BRD10: variants seen among roughly 807,000 people sequenced by gnomAD.
BRD10 encodes uncharacterized bromodomain-containing protein 10.
the BRD10 span, chr9:5,921,871 G>A: frequency 4.3e-6 from 7 of 1,613,982 alleles, no homozygotes; most frequent in Non-Finnish European, 4.2e-6. Flanking sequence ...TGCCAGTGGT[G>A]TGGCCTAATG....
the BRD10 span, among the ~76,000 whole-genome samples, chr9:5,915,594 T>C: frequency 6.6e-6 from 1 of 152,228 alleles, no homozygotes; most frequent in Non-Finnish European, 1.5e-5. Context: ...CCCTACATGC[T>C]CCTTGGGCTT....
the BRD10 span, among the ~76,000 whole-genome samples, chr9:5,916,627 G>A: frequency 3.3e-5 from 5 of 151,558 alleles, no homozygotes; most frequent in Admixed American, 1.3e-4. Flanking sequence ...CTTTTTGTGA[G>A]GGCAGGAAAA....
chr9:5,909,966 C>G, the BRD10 span: 1 of 152,186 alleles, frequency 6.6e-6, no homozygotes, highest in Admixed American at 6.5e-5. Flanking sequence ...CTATTGCCAT[C>G]CTGAGTGGAA....
the BRD10 span, among the ~76,000 whole-genome samples, chr9:5,886,250 T>G: frequency 6.6e-6 from 1 of 152,162 alleles, no homozygotes; most frequent in Non-Finnish European, 1.5e-5. Flanking sequence ...GGCCCCTTCA[T>G]GAGGTGGGCC....
At chr9:5,937,835 T>G in the BRD10 span, among the ~76,000 whole-genome samples, 1 of 152,220 alleles carries the variant, frequency 6.6e-6, no homozygotes, top group Non-Finnish European at 1.5e-5. Flanking sequence ...TTGTGCAGAG[T>G]AGAATATGAA....
chr9:5,997,975 G>A, the BRD10 span, among the ~76,000 whole-genome samples: 20 of 152,090 alleles, frequency 1.3e-4, no homozygotes, highest in Non-Finnish European at 2.6e-4. Context: ...TACTTAAGTG[G>A]TAACAATAGA....
the BRD10 span, among the ~76,000 whole-genome samples, chr9:5,939,285 T>C: frequency 4.6e-5 from 7 of 152,198 alleles, no homozygotes; most frequent in African/African-American, 1.7e-4. Flanking sequence ...ACATTATATG[T>C]AGTTTTATAA....
the BRD10 span, chr9:5,921,679 C>G: frequency 6.2e-7 from 1 of 1,613,862 alleles, no homozygotes; most frequent in African/African-American, 1.3e-5. Context: ...CTACTTGTTG[C>G]TGTTTAGTTG....
At chr9:5,961,893 C>T in the BRD10 span, among the ~76,000 whole-genome samples, 5 of 152,138 alleles carry the variant, frequency 3.3e-5, no homozygotes, top group Admixed American at 2.6e-4. Context: ...AATCACCTGC[C>T]GGTCTATCAA....
the BRD10 span, chr9:5,914,157 C>A: frequency 5.0e-6 from 2 of 396,738 alleles, no homozygotes; most frequent in Non-Finnish European, 9.9e-6. Context: ...GTTCCACGTG[C>A]AGGGGATCCC....
At chr9:5,898,753 C>G in the BRD10 span, among the ~76,000 whole-genome samples, 3 of 152,110 alleles carry the variant, frequency 2.0e-5, no homozygotes, top group African/African-American at 7.2e-5. Context: ...TCTTCTTCAC[C>G]CCTTTCCTCA....
At chr9:5,937,230 A>G in the BRD10 span, among the ~76,000 whole-genome samples, 1 of 141,328 alleles carries the variant, frequency 7.1e-6, no homozygotes, top group Non-Finnish European at 1.6e-5. Context: ...CTCTGCCTCA[A>G]AAAAAAAAAA....
At chr9:5,922,300 T>C in the BRD10 span, 1 of 1,613,946 alleles carries the variant, frequency 6.2e-7, no homozygotes, top group East Asian at 2.2e-5. Flanking sequence ...GAGGCTGACC[T>C]GTGGAGGAAA....
chr9:5,952,678 G>C, the BRD10 span, among the ~76,000 whole-genome samples: 3 of 152,200 alleles, frequency 2.0e-5, no homozygotes, highest in East Asian at 5.8e-4. Context: ...GATGGGTATA[G>C]AGGAAATATT....
chr9:5,933,957 TTTAA>T, the BRD10 span: 468 of 415,002 alleles, frequency 1.1e-3, 9 homozygotes, highest in South Asian at 6.3e-3. Flanking sequence ...TTTTGCACAC[TTTAA>T]TTTAGATACT....
At chr9:5,901,899 A>G in the BRD10 span, among the ~76,000 whole-genome samples, 1 of 152,104 alleles carries the variant, frequency 6.6e-6, no homozygotes, top group Non-Finnish European at 1.5e-5. Flanking sequence ...CCTTTTATAC[A>G]TTGTTAGTTT....
the BRD10 span, among the ~76,000 whole-genome samples, chr9:5,950,905 T>C: frequency 6.6e-6 from 1 of 152,134 alleles, no homozygotes; most frequent in Non-Finnish European, 1.5e-5. Flanking sequence ...TGTTGTTATA[T>C]CATATTGTTT....
the BRD10 span, among the ~76,000 whole-genome samples, chr9:5,987,358 T>C: frequency 6.6e-6 from 1 of 152,162 alleles, no homozygotes; most frequent in Non-Finnish European, 1.5e-5. Context: ...AGTGGAGATG[T>C]AGACTACTAC....
At chr9:5,996,628 A>G in the BRD10 span, among the ~76,000 whole-genome samples, 1 of 152,122 alleles carries the variant, frequency 6.6e-6, no homozygotes, top group East Asian at 1.9e-4. Flanking sequence ...ACCATGCCCG[A>G]GCCATGTAAC....
Sources: allele counts gnomAD v4.1 joint callset (sites outside exome capture counted in the v4.1 genomes callset), GRCh38; gene constraint gnomAD v4.1.1; transcripts MANE v1.5; gene names NCBI Gene and HGNC (gene_info 2026-07-23, HGNC 2026-07-21).